The following XRCC6 variants were observed in gnomAD, a reference collection of about 807,000 sequenced individuals.
The protein encoded by XRCC6 is X-ray repair cross complementing 6.
In XRCC6, 5 loss-of-function variants were observed where a neutral mutation model predicts 65.7. The observed-to-expected ratio is 0.08, with a 90% CI of 0.04 to 0.16. The LOEUF (loss-of-function observed/expected upper bound fraction) is 0.16. XRCC6 is among the 10% of genes least tolerant of loss of function. The probability of loss-of-function intolerance (pLI) is 1.00; values close to 1 mark genes in which losing one functional copy is unlikely to be tolerated. For missense variants in XRCC6, 447 were observed against 738.1 expected, an observed-to-expected ratio of 0.61 and a Z score of 4.57; for synonymous variants, 270 against 270.6, an observed-to-expected ratio of 1.00 and a Z score of 0.02.
At chr22:41,640,748 A>G (rs2067867007) in intron 6 of XRCC6, among the ~76,000 whole-genome samples, 1 of 152,082 alleles carries the variant, frequency 6.6e-6, no homozygotes, top group Admixed American at 6.6e-5. Context: ...GTATCTTGTC[A>G]CCTCTTCACC....
At chr22:41,626,477 C>A (rs2067674723) in intron 2 of XRCC6, among the ~76,000 whole-genome samples, 1 of 151,440 alleles carries the variant, frequency 6.6e-6, no homozygotes, top group Non-Finnish European at 1.5e-5. Context: ...TTTTTTGAGA[C>A]AGAGTCTTGC....
At chr22:41,649,137 A>ATAT (rs1555906685) in intron 7 of XRCC6, among the ~76,000 whole-genome samples, 81 of 92,860 alleles carry the variant, frequency 8.7e-4, no homozygotes, top group African/African-American at 2.5e-3. Flanking sequence ...AAAAAAAAAA[A>ATAT]AAATATATAT....
intron 6 of XRCC6, among the ~76,000 whole-genome samples, chr22:41,641,586 C>G (rs761630830): frequency 4.6e-5 from 7 of 152,142 alleles, no homozygotes; most frequent in Non-Finnish European, 8.8e-5. Flanking sequence ...CATTAACCAT[C>G]CCCACTGCCC....
At chr22:41,653,965 G>A (rs898425191) in intron 9 of XRCC6, among the ~76,000 whole-genome samples, 3 of 152,154 alleles carry the variant, frequency 2.0e-5, no homozygotes, top group African/African-American at 7.2e-5. Flanking sequence ...ACTGACACAA[G>A]TTCTTGGGAC....
intron 3 of XRCC6, among the ~76,000 whole-genome samples, chr22:41,634,676 C>T (rs2067791447): frequency 6.6e-6 from 1 of 152,008 alleles, no homozygotes; most frequent in South Asian, 2.1e-4. Context: ...TCCTGAGTAG[C>T]TAGGATTACA....
intron 3 of XRCC6, among the ~76,000 whole-genome samples, chr22:41,629,948 G>T (rs1306555034): frequency 6.7e-6 from 1 of 149,568 alleles, no homozygotes; most frequent in Non-Finnish European, 1.5e-5. Flanking sequence ...TTACAGGTGT[G>T]AGCCACTGCG....
At chr22:41,622,637 A>G (rs993264729) in intron 2 of XRCC6, among the ~76,000 whole-genome samples, 6 of 152,086 alleles carry the variant, frequency 3.9e-5, no homozygotes, top group African/African-American at 1.4e-4. Context: ...AATTTTGAAT[A>G]TTTTTATTAA....
At chr22:41,630,706 C>G (rs1048203144) in intron 3 of XRCC6, among the ~76,000 whole-genome samples, 1 of 152,018 alleles carries the variant, frequency 6.6e-6, no homozygotes, top group African/African-American at 2.4e-5. Flanking sequence ...TGACTCTTAA[C>G]GAGCATGCTG....
intron 7 of XRCC6, among the ~76,000 whole-genome samples, chr22:41,649,139 A>AATATATATATATAT (rs1555906700): frequency 1.1e-4 from 10 of 88,714 alleles, no homozygotes; most frequent in Admixed American, 5.2e-4. Context: ...AAAAAAAAAA[A>AATATATATATATAT]ATATATATAT....
intron 3 of XRCC6, among the ~76,000 whole-genome samples, chr22:41,629,052 C>CATTAGAGA (rs2067711609): frequency 6.7e-6 from 1 of 149,500 alleles, no homozygotes; most frequent in South Asian, 2.1e-4. Flanking sequence ...CATGTTTAGT[C>CATTAGAGA]ATTAGAGAAA....
chr22:41,634,982 G>A (rs1011983699), intron 3 of XRCC6, among the ~76,000 whole-genome samples: 1 of 152,114 alleles, frequency 6.6e-6, no homozygotes, highest in African/African-American at 2.4e-5. Flanking sequence ...TGCGCTTACT[G>A]GTAGTTATTG....
chr22:41,653,415 T>A, intron 8 of XRCC6, 114 bp from the exon 9 acceptor site: 2 of 1,008,858 alleles, frequency 2.0e-6, no homozygotes, highest in Non-Finnish European at 2.9e-6. Context: ...AATAAATAAA[T>A]AATAAAATTA....
chr22:41,622,277 C>T (rs55922135), intron 2 of XRCC6, among the ~76,000 whole-genome samples, 191 bp downstream of exon 2: 1,917 of 152,260 alleles, frequency 0.013, 34 homozygotes, highest in African/African-American at 0.043. Context: ...CTAGTGTGCC[C>T]TAAGTTTTTT....
intron 8 of XRCC6, among the ~76,000 whole-genome samples, chr22:41,653,072 C>A (rs2068016110): frequency 6.6e-6 from 1 of 151,998 alleles, no homozygotes; most frequent in Non-Finnish European, 1.5e-5. Flanking sequence ...TTCCCCTCAG[C>A]TGTGGGGTCC....
At chr22:41,628,689 A>T (rs2058637506) in intron 3 of XRCC6, among the ~76,000 whole-genome samples, 1 of 151,924 alleles carries the variant, frequency 6.6e-6, no homozygotes, top group Admixed American at 6.6e-5. Flanking sequence ...ACATTTCTCC[A>T]GCTGGGCGTG....
At chr22:41,622,818 G>A (rs1026082169) in intron 2 of XRCC6, among the ~76,000 whole-genome samples, 6 of 151,782 alleles carry the variant, frequency 4.0e-5, no homozygotes, top group Admixed American at 2.0e-4. Flanking sequence ...GGTGGCGGTC[G>A]CCTGTAGTCC....
intron 3 of XRCC6, 106 bp from the exon 4 acceptor site, chr22:41,636,007 C>A: frequency 1.0e-6 from 1 of 979,698 alleles, no homozygotes; most frequent in Non-Finnish European, 1.5e-6. Context: ...TATTTTAGTG[C>A]CATATACAAA....
Position 41,663,635 on chromosome 22 carries a change from T to C in XRCC6, c.1650T>C (p.Ser550=), listed in dbSNP as rs769774552. The C allele has an allele frequency of 1.9e-6, 3 of 1,612,688 alleles. No homozygotes were observed. The highest frequency in any genetic ancestry group is 2.5e-6 in the Non-Finnish European group (3 of 1,178,918). The change falls in exon 13 of 13, where the codon TCT becomes TCC. Residue 550 remains serine (S), a synonymous_variant. Coordinates refer to ENST00000360079, the MANE Select transcript of XRCC6 (RefSeq NM_001469.5). ...CTTTCCCCCCAGATAATGAAGGTTC[T>C]GGAAGCAAAAGGCCCAAGGTGGAGT... ...VTKRKHDNEG[S]GSKRPKVEYS...
chr22:41,661,722 A>G (rs1018450430), intron 12 of XRCC6: 4 of 366,272 alleles, frequency 1.1e-5, no homozygotes, highest in African/African-American at 8.5e-5. Context: ...ATGATCCAGC[A>G]TACCATATGA....
Sources: allele counts gnomAD v4.1 joint callset (sites outside exome capture counted in the v4.1 genomes callset), GRCh38; gene constraint gnomAD v4.1.1; transcripts MANE v1.5; gene names NCBI Gene and HGNC (gene_info 2026-07-23, HGNC 2026-07-21).